Variants in CXCL13 observed in about 807,000 individuals in gnomAD.
The protein encoded by CXCL13 is C-X-C motif chemokine 13.
CXCL13 carries 7 observed loss-of-function variants against 12.2 expected under a neutral mutation model. The observed-to-expected ratio is 0.57, with a 90% CI of 0.33 to 1.07. The LOEUF (loss-of-function observed/expected upper bound fraction) is 1.07, where lower values mean the gene tolerates loss of function less well. Ranked by LOEUF, CXCL13 falls within the 50% of genes least tolerant of loss-of-function variation. The pLI is 0.04. For missense variants in CXCL13, 113 were observed against 127.4 expected, an observed-to-expected ratio of 0.89 and a Z score of 0.55; for synonymous variants, 47 against 42.4, an observed-to-expected ratio of 1.11 and a Z score of -0.42.
chr4:77,606,029 AGGGGG>A, intron 1 of CXCL13, 100 bp downstream of exon 1: 1 of 737,536 alleles, frequency 1.4e-6, no homozygotes, highest in Admixed American at 2.5e-5. Flanking sequence ...GTCTGACTAA[AGGGGG>A]AAAAAACTGC....
intron 1 of CXCL13, among the ~76,000 whole-genome samples, chr4:77,584,335 C>T (rs146617107): frequency 6.6e-6 from 1 of 152,192 alleles, no homozygotes; most frequent in Non-Finnish European, 1.5e-5. Flanking sequence ...TGCCCTAAGT[C>T]CATCAGCATG....
chr4:77,542,784 T>C (rs1725237752), intron 1 of CXCL13, among the ~76,000 whole-genome samples: 1 of 152,202 alleles, frequency 6.6e-6, no homozygotes, highest in Non-Finnish European at 1.5e-5. Context: ...ACTTGAGGAT[T>C]TTTGCATCCA....
chr4:77,533,452 G>A (rs1440240902), intron 1 of CXCL13, among the ~76,000 whole-genome samples: 1 of 152,192 alleles, frequency 6.6e-6, no homozygotes. Context: ...CTACTGGGAG[G>A]TGCCTCCCAG....
At chr4:77,577,891 G>A (rs554123986) in intron 1 of CXCL13, among the ~76,000 whole-genome samples, 2 of 152,082 alleles carry the variant, frequency 1.3e-5, no homozygotes, top group Non-Finnish European at 2.9e-5. Flanking sequence ...GAACCCCTGG[G>A]ACTCCTTTGA....
chr4:77,513,946 C>T (rs568040123), intron 1 of CXCL13, among the ~76,000 whole-genome samples: 5 of 152,162 alleles, frequency 3.3e-5, no homozygotes, highest in Non-Finnish European at 5.9e-5. Context: ...CCAGTGCTAT[C>T]GCTCCCCACT....
intron 1 of CXCL13, among the ~76,000 whole-genome samples, chr4:77,543,481 A>G (rs1172585238): frequency 1.3e-5 from 2 of 152,018 alleles, no homozygotes; most frequent in East Asian, 3.9e-4. Flanking sequence ...ACTTTTTGAC[A>G]TAGGCATTTA....
chr4:77,541,979 G>A (rs1007655357), intron 1 of CXCL13, among the ~76,000 whole-genome samples: 3 of 152,054 alleles, frequency 2.0e-5, no homozygotes, highest in African/African-American at 7.2e-5. Context: ...TATTGTGAAT[G>A]GGATTGTGTT....
intron 1 of CXCL13, among the ~76,000 whole-genome samples, chr4:77,575,217 T>C (rs984568483): frequency 6.6e-6 from 1 of 151,976 alleles, no homozygotes; most frequent in Non-Finnish European, 1.5e-5. Context: ...AATTTCTGAG[T>C]CATCATTTTG....
chr4:77,553,242 C>A (rs1725577307), intron 1 of CXCL13, among the ~76,000 whole-genome samples: 1 of 152,210 alleles, frequency 6.6e-6, no homozygotes, highest in Non-Finnish European at 1.5e-5. Flanking sequence ...AAAATTCCAG[C>A]ACCTACTGCT....
chr4:77,552,367 T>C (rs1050434990), intron 1 of CXCL13, among the ~76,000 whole-genome samples: 2 of 152,242 alleles, frequency 1.3e-5, no homozygotes, highest in African/African-American at 4.8e-5. Context: ...GCTTCTATAG[T>C]CCTGTGCATT....
chr4:77,563,519 A>G (rs1725862641), intron 1 of CXCL13, among the ~76,000 whole-genome samples: 1 of 152,222 alleles, frequency 6.6e-6, no homozygotes, highest in Non-Finnish European at 1.5e-5. Context: ...TGGGGAGACC[A>G]GCATTAAGAT....
At chr4:77,538,410 T>C (rs1213734441) in intron 1 of CXCL13, among the ~76,000 whole-genome samples, 1 of 149,526 alleles carries the variant, frequency 6.7e-6, no homozygotes. Context: ...GTAAGATTTA[T>C]TCAATGTCTT....
chr4:77,552,644 C>G (rs1412017599), intron 1 of CXCL13, among the ~76,000 whole-genome samples: 1 of 152,212 alleles, frequency 6.6e-6, no homozygotes, highest in Non-Finnish European at 1.5e-5. Context: ...TGATGGCAGA[C>G]ACAAGCACCA....
intron 1 of CXCL13, among the ~76,000 whole-genome samples, chr4:77,598,247 C>T (rs962643736): frequency 2.0e-5 from 3 of 152,188 alleles, no homozygotes; most frequent in African/African-American, 7.2e-5. Flanking sequence ...GGTTCAGAAT[C>T]GAGTCTGCCA....
chr4:77,529,039 C>G (rs1724841301), intron 1 of CXCL13, among the ~76,000 whole-genome samples: 1 of 152,128 alleles, frequency 6.6e-6, no homozygotes, highest in Admixed American at 6.5e-5. Context: ...ATAGGGAATC[C>G]TTTCCTCATT....
intron 1 of CXCL13, among the ~76,000 whole-genome samples, chr4:77,565,246 A>G (rs998194178): frequency 2.0e-5 from 3 of 152,166 alleles, no homozygotes; most frequent in Non-Finnish European, 4.4e-5. Flanking sequence ...CACTATAAAA[A>G]CCATTGCTCT....
At chr4:77,526,599 T>A (rs1201288612) in intron 1 of CXCL13, among the ~76,000 whole-genome samples, 1 of 152,132 alleles carries the variant, frequency 6.6e-6, no homozygotes, top group Non-Finnish European at 1.5e-5. Context: ...ATTTATTACA[T>A]AATTGGCTCT....
At chr4:77,533,600 G>A (rs1724984245) in intron 1 of CXCL13, among the ~76,000 whole-genome samples, 1 of 152,310 alleles carries the variant, frequency 6.6e-6, no homozygotes, top group Middle Eastern at 3.4e-3. Flanking sequence ...GGATTCTGCT[G>A]CCTTTTGTTT....
intron 1 of CXCL13, among the ~76,000 whole-genome samples, chr4:77,540,143 A>C (rs978435356): frequency 6.6e-6 from 1 of 152,236 alleles, no homozygotes; most frequent in East Asian, 1.9e-4. Flanking sequence ...TATATGCCAG[A>C]TACCTAAGGT....
Sources: allele counts gnomAD v4.1 joint callset (sites outside exome capture counted in the v4.1 genomes callset), GRCh38; gene constraint gnomAD v4.1.1; transcripts MANE v1.5; gene names NCBI Gene and HGNC (gene_info 2026-07-23, HGNC 2026-07-21).